The following ADGRV1 variants were observed in gnomAD, a reference collection of about 807,000 sequenced individuals.
ADGRV1 encodes G-protein coupled receptor 98.
In ADGRV1, 359 loss-of-function variants were observed where a neutral mutation model predicts 596.2. That is an observed-to-expected ratio of 0.60 (90% CI 0.55 to 0.66). The LOEUF is 0.66. Among genes scored for constraint, ADGRV1 ranks in the 30% least tolerant of loss-of-function variants. The pLI is 0.00. For missense variants in ADGRV1, 7,274 were observed against 7,575.6 expected, an observed-to-expected ratio of 0.96 and a Z score of 1.48; for synonymous variants, 2,681 against 2,679.2, an observed-to-expected ratio of 1.00 and a Z score of -0.02.
At chr5:90,575,229 C>CATTTT (rs1025712367) in intron 1 of ADGRV1, among the ~76,000 whole-genome samples, 1 of 151,286 alleles carries the variant, frequency 6.6e-6, no homozygotes, top group East Asian at 1.9e-4. Context: ...TTAAAAAAGA[C>CATTTT]ATTTTATTTT....
At chr5:90,884,151 ATT>A (rs1269441778) in intron 83 of ADGRV1, among the ~76,000 whole-genome samples, 1 of 152,110 alleles carries the variant, frequency 6.6e-6, no homozygotes, top group African/African-American at 2.4e-5. Flanking sequence ...GGACCAGATA[ATT>A]TGTTGTGGGG....
At chr5:90,681,269 C>G in intron 26 of ADGRV1, 46 bp from the exon 27 acceptor site, 1 of 1,593,784 alleles carries the variant, frequency 6.3e-7, no homozygotes, top group Admixed American at 1.7e-5. Flanking sequence ...TTGTAAATTA[C>G]TGATCATCAT....
chr5:90,757,182 T>A, intron 57 of ADGRV1, 21 bp downstream of exon 57: 1 of 1,607,942 alleles, frequency 6.2e-7, no homozygotes, highest in South Asian at 1.1e-5. Context: ...CATTAACATA[T>A]TAGCCTTTTT....
rs1231984151 is a variant in ADGRV1, at chr5:90,745,577, G to T, written c.10770-14G>T. On this transcript the variant is annotated splice_polypyrimidine_tract_variant and intron_variant, in intron 51 of 89. Coordinates refer to ENST00000405460, the MANE Select transcript of ADGRV1 (RefSeq NM_032119.4). ...GTTGTAGTTGACTTATTTTGTATAT[G>T]CTTCTTATGGTAGTTCAGGTGAACT... 1 of 1,574,462 alleles carries T rather than the reference G, an allele frequency of 6.4e-7. No individual in the cohort carries two copies. Among genetic ancestry groups the T allele is most frequent in the Admixed American group, 1.7e-5 (1 of 58,196 alleles).
intron 85 of ADGRV1, 109 bp from the exon 86 acceptor site, chr5:91,072,338 C>A: frequency 1.0e-6 from 1 of 980,252 alleles, no homozygotes; most frequent in Non-Finnish European, 1.6e-6. Flanking sequence ...CTGATGTTGC[C>A]AGCATCTGGA....
chr5:91,018,557 T>G (rs188948420), intron 85 of ADGRV1, among the ~76,000 whole-genome samples: 109 of 152,066 alleles, frequency 7.2e-4, no homozygotes, highest in African/African-American at 2.5e-3. Flanking sequence ...AAGAAGAAAC[T>G]TGTAGGTCTT....
intron 83 of ADGRV1, among the ~76,000 whole-genome samples, chr5:90,956,484 A>C (rs193246858): frequency 1.0e-3 from 159 of 152,278 alleles, no homozygotes; most frequent in Non-Finnish European, 1.8e-3. Flanking sequence ...TGTTCACTCC[A>C]GATATAGAGA....
chr5:91,131,207 A>C (rs1794185695), intron 87 of ADGRV1, among the ~76,000 whole-genome samples: 1 of 152,238 alleles, frequency 6.6e-6, no homozygotes, highest in Non-Finnish European at 1.5e-5. Flanking sequence ...TGCTTTCCAC[A>C]GGGACTGAAC....
intron 85 of ADGRV1, among the ~76,000 whole-genome samples, chr5:91,060,747 G>A (rs66608099): frequency 0.13 from 20,109 of 152,210 alleles, 1,500 homozygotes; most frequent in African/African-American, 0.21. Context: ...GGGTGTGACT[G>A]AATGTTCACC....
Position 90,681,330 on chromosome 5 carries a change from C to T in ADGRV1, c.5540C>T (p.Ala1847Val), listed in dbSNP as rs1561515350. Residue 1847 changes from alanine (A) to valine (V), a missense_variant, in exon 27 of 90, where the codon GCT (alanine) becomes GTT (valine). By Grantham distance (64) the Ala-to-Val change is moderately conservative. This residue lies in a region of ADGRV1 where 3,643 missense variants were observed against 3,809.2 expected (regional missense o/e 0.96). Transcript: ENST00000405460. ...TIHKRASLGV[A>V]SQILVTIAAS... ...GTTCATGCAGCCAGTCTAGGAGTGG[C>T]TTCCCAAATTCTAGTGACAATTGCA... The T allele has an allele frequency of 6.8e-6, 11 of 1,613,630 alleles. No homozygotes were observed. The highest frequency in any genetic ancestry group is 9.3e-6 in the Non-Finnish European group (11 of 1,179,798).
chr5:90,805,234 C>A, intron 71 of ADGRV1, 50 bp from the exon 72 acceptor site: 1 of 1,519,538 alleles, frequency 6.6e-7, no homozygotes, highest in Non-Finnish European at 9.0e-7. Context: ...CCTCAGAAAA[C>A]AGGAAGGTTT....
intron 68 of ADGRV1, among the ~76,000 whole-genome samples, chr5:90,789,232 A>C (rs1029783817): frequency 2.0e-5 from 3 of 152,148 alleles, no homozygotes; most frequent in African/African-American, 4.8e-5. Context: ...CATATCTCCA[A>C]AATACCTTCA....
chr5:90,627,840 G>A (rs1236568693), intron 7 of ADGRV1, 64 bp downstream of exon 7: 1 of 1,077,100 alleles, frequency 9.3e-7, no homozygotes, highest in African/African-American at 1.6e-5. Context: ...TTTAAGTTTT[G>A]TGGTGTTGGA....
chr5:90,825,807 C>A (rs989670664), intron 76 of ADGRV1: 1 of 152,054 alleles, frequency 6.6e-6, no homozygotes, highest in Non-Finnish European at 1.5e-5. Flanking sequence ...ATTTGTTTTC[C>A]TAACTAGAGA....
At chr5:90,800,009 T>C (rs1561759120) in intron 70 of ADGRV1, among the ~76,000 whole-genome samples, 1 of 152,198 alleles carries the variant, frequency 6.6e-6, no homozygotes, top group East Asian at 1.9e-4. Flanking sequence ...ATTTAGGACA[T>C]AGGTATGGGC....
chr5:90,930,480 C>T (rs897129916), intron 83 of ADGRV1, among the ~76,000 whole-genome samples: 1 of 152,190 alleles, frequency 6.6e-6, no homozygotes, highest in African/African-American at 2.4e-5. Context: ...TGGTTTTGTA[C>T]ATGGACTTTT....
At chr5:90,659,873 A>G (rs567008831) in intron 21 of ADGRV1, among the ~76,000 whole-genome samples, 4 of 152,284 alleles carry the variant, frequency 2.6e-5, no homozygotes, top group African/African-American at 9.6e-5. Flanking sequence ...TCTACTAAAA[A>G]TACAAAAAAT....
intron 83 of ADGRV1, among the ~76,000 whole-genome samples, chr5:90,886,032 A>G (rs540779497): frequency 2.2e-4 from 34 of 152,242 alleles, no homozygotes; most frequent in African/African-American, 7.5e-4. Flanking sequence ...ATTTTAGTGT[A>G]GCAGGATTAA....
At chr5:90,902,292 G>T (rs140224441) in intron 83 of ADGRV1, among the ~76,000 whole-genome samples, 1 of 152,100 alleles carries the variant, frequency 6.6e-6, no homozygotes, top group African/African-American at 2.4e-5. Context: ...CCTGTGGAAG[G>T]TTACAGATTA....
Sources: allele counts gnomAD v4.1 joint callset (sites outside exome capture counted in the v4.1 genomes callset), GRCh38; gene constraint gnomAD v4.1.1; regional missense constraint gnomAD v4.1.1; transcripts MANE v1.5; gene names NCBI Gene and HGNC (gene_info 2026-07-23, HGNC 2026-07-21).